C1orf21: variants seen among roughly 807,000 people sequenced by gnomAD.
C1orf21 encodes chromosome 1 open reading frame 21.
A neutral mutation model predicts 18.7 loss-of-function variants in C1orf21; 3 were observed. The observed-to-expected ratio is 0.16, with a 90% CI of 0.07 to 0.42. C1orf21 has a LOEUF of 0.42. Among genes scored for constraint, C1orf21 ranks in the 10% least tolerant of loss-of-function variants. C1orf21 has a pLI of 0.99. For missense variants in C1orf21, 104 were observed against 143.6 expected (o/e 0.72, Z 1.41); for synonymous variants, 41 against 46.4 (o/e 0.88, Z 0.47).
At chr1:184,423,234 T>G (rs1208180004) in intron 1 of C1orf21, among the ~76,000 whole-genome samples, 1 of 152,216 alleles carries the variant, frequency 6.6e-6, no homozygotes, top group Non-Finnish European at 1.5e-5. Flanking sequence ...TAAAGATTCC[T>G]TCCTCATTCA....
At chr1:184,439,801 A>G (rs751384946) in intron 1 of C1orf21, among the ~76,000 whole-genome samples, 1 of 152,150 alleles carries the variant, frequency 6.6e-6, no homozygotes, top group African/African-American at 2.4e-5. Context: ...AAAACAAAAA[A>G]CCAAAACCAT....
intron 3 of C1orf21, among the ~76,000 whole-genome samples, chr1:184,537,930 T>G (rs913530144): frequency 1.3e-5 from 2 of 151,984 alleles, no homozygotes; most frequent in African/African-American, 2.4e-5. Flanking sequence ...ATTGCAGGAG[T>G]GAGCTACCGC....
intron 1 of C1orf21, among the ~76,000 whole-genome samples, chr1:184,451,340 G>A (rs1349470647): frequency 3.3e-5 from 5 of 151,914 alleles, no homozygotes; most frequent in African/African-American, 1.2e-4. Context: ...TCCCAGACTG[G>A]AGTGCAACGG....
intron 3 of C1orf21, among the ~76,000 whole-genome samples, chr1:184,551,401 A>T (rs1013287297): frequency 3.9e-5 from 6 of 152,196 alleles, no homozygotes; most frequent in African/African-American, 1.4e-4. Context: ...GAACAAAACC[A>T]ACTCAAATTA....
intron 1 of C1orf21, among the ~76,000 whole-genome samples, chr1:184,446,126 T>G (rs933786905): frequency 2.6e-5 from 4 of 152,190 alleles, no homozygotes; most frequent in Non-Finnish European, 5.9e-5. Context: ...CAAAGCAATT[T>G]AGTCTTTTCT....
chr1:184,567,628 A>G (rs1010120643), intron 3 of C1orf21: 2 of 433,740 alleles, frequency 4.6e-6, no homozygotes, highest in Non-Finnish European at 9.2e-6. Context: ...GGAGGATGCT[A>G]GGCAGACTGC....
intron 1 of C1orf21, among the ~76,000 whole-genome samples, chr1:184,402,786 T>C (rs1656185019): frequency 6.6e-6 from 1 of 152,210 alleles, no homozygotes; most frequent in Non-Finnish European, 1.5e-5. Context: ...GGTTGTACAG[T>C]ATGTCTTCAT....
intron 2 of C1orf21, among the ~76,000 whole-genome samples, chr1:184,493,239 C>T (rs1438184194): frequency 6.6e-6 from 1 of 152,178 alleles, no homozygotes; most frequent in Admixed American, 6.5e-5. Flanking sequence ...GGAGAGGACA[C>T]AGGCCGTGAG....
At chr1:184,517,998 T>C (rs2101967958) in intron 3 of C1orf21, among the ~76,000 whole-genome samples, 1 of 152,268 alleles carries the variant, frequency 6.6e-6, no homozygotes, top group Admixed American at 6.5e-5. Context: ...ATAACCTTAC[T>C]CGCAGGAGTC....
chr1:184,542,078 C>A (rs1261564466), intron 3 of C1orf21, among the ~76,000 whole-genome samples: 1 of 152,144 alleles, frequency 6.6e-6, no homozygotes, highest in Non-Finnish European at 1.5e-5. Context: ...TCATCTTTAG[C>A]TTGTCAGTTA....
intron 2 of C1orf21, among the ~76,000 whole-genome samples, chr1:184,501,483 A>T (rs981775277): frequency 2.6e-5 from 4 of 152,026 alleles, no homozygotes; most frequent in Non-Finnish European, 5.9e-5. Flanking sequence ...TCTTCTTTCT[A>T]TTCTTATAAC....
intron 2 of C1orf21, among the ~76,000 whole-genome samples, chr1:184,495,831 T>C (rs1467078674): frequency 6.6e-6 from 1 of 150,642 alleles, no homozygotes; most frequent in Non-Finnish European, 1.5e-5. Flanking sequence ...AGGCAGAGAA[T>C]TGCTTGAACC....
intron 3 of C1orf21, among the ~76,000 whole-genome samples, chr1:184,579,214 T>C (rs898983529): frequency 1.3e-5 from 2 of 150,302 alleles, no homozygotes; most frequent in Non-Finnish European, 3.0e-5. Flanking sequence ...ATTTTTTTTT[T>C]TTTTTTTTGG....
At chr1:184,545,023 A>G (rs1465027192) in intron 3 of C1orf21, among the ~76,000 whole-genome samples, 3 of 152,182 alleles carry the variant, frequency 2.0e-5, no homozygotes, top group Non-Finnish European at 4.4e-5. Context: ...TTTATAACCA[A>G]ATCTTGGAAG....
intron 3 of C1orf21, among the ~76,000 whole-genome samples, chr1:184,551,593 T>C (rs544928723): frequency 2.6e-5 from 4 of 152,290 alleles, no homozygotes; most frequent in African/African-American, 9.6e-5. Flanking sequence ...AATATAGTTT[T>C]GTTACATCAG....
Position 184,602,787 on chromosome 1 carries a change from A to C in C1orf21, c.327+4326A>C, listed in dbSNP as rs557193842. On this transcript the variant is annotated intron_variant, in intron 5 of 5. Coordinates refer to ENST00000235307, the MANE Select transcript of C1orf21 (RefSeq NM_030806.4). ...GAAAAAATAAATAAATTTTTTAGGT[A>C]TCTGCAATAATAGTATCTTCTACAG... Among the ~76,000 whole-genome samples, 6 of 152,344 alleles carry C rather than the reference A, an allele frequency of 3.9e-5. No homozygotes were observed. The East Asian group carries it at 1.2e-3, about 29-fold the overall frequency.
At chr1:184,493,054 A>G (rs1342500782) in intron 2 of C1orf21, among the ~76,000 whole-genome samples, 3 of 152,216 alleles carry the variant, frequency 2.0e-5, no homozygotes. Context: ...AGAAAGTCAG[A>G]TTCTAAAGGA....
intron 3 of C1orf21, among the ~76,000 whole-genome samples, chr1:184,534,703 C>G (rs1404012216): frequency 2.0e-5 from 3 of 152,132 alleles, no homozygotes; most frequent in African/African-American, 4.8e-5. Context: ...AAGACACGAT[C>G]CCTCCCTTTG....
chr1:184,414,645 C>T (rs536400052), intron 1 of C1orf21, among the ~76,000 whole-genome samples: 8 of 151,932 alleles, frequency 5.3e-5, no homozygotes, highest in Non-Finnish European at 1.0e-4. Flanking sequence ...CAAAATCAGA[C>T]AGCCTAACCA....
Sources: gnomAD v4.1 joint callset for allele counts (sites outside exome capture counted in the v4.1 genomes callset) on GRCh38, gnomAD v4.1.1 for gene constraint, MANE v1.5 for transcripts, NCBI Gene and HGNC (gene_info 2026-07-23, HGNC 2026-07-21) for gene names.